Variants in COL24A1 observed in about 807,000 individuals in gnomAD.
COL24A1 encodes the protein collagen alpha-1(XXIV) chain.
In COL24A1, 224 loss-of-function variants were observed where a neutral mutation model predicts 253.9. The ratio of observed to expected loss-of-function variants is 0.88; its 90% CI spans 0.79 to 0.99. The LOEUF is 0.99. COL24A1 is among the 50% of genes least tolerant of loss of function. The probability of loss-of-function intolerance (pLI) is 0.00; values close to 1 mark genes in which losing one functional copy is unlikely to be tolerated. For missense variants in COL24A1, 2,131 were observed against 2,068.5 expected (o/e 1.03, Z -0.59); for synonymous variants, 685 against 673.7 (o/e 1.02, Z -0.26).
At chr1:86,131,629 G>C (rs1649220009) in intron 2 of COL24A1, among the ~76,000 whole-genome samples, 1 of 151,008 alleles carries the variant, frequency 6.6e-6, no homozygotes, top group African/African-American at 2.4e-5. Flanking sequence ...TTTTGTCCTT[G>C]TGATAGTTTG....
intron 52 of COL24A1, among the ~76,000 whole-genome samples, chr1:85,775,965 T>C (rs1175004570): frequency 1.3e-5 from 2 of 152,180 alleles, no homozygotes; most frequent in Non-Finnish European, 2.9e-5. Flanking sequence ...AGATAACTAC[T>C]TATTCATTCA....
At chr1:86,074,875 CAG>C (rs946233825) in intron 7 of COL24A1, among the ~76,000 whole-genome samples, 1 of 152,108 alleles carries the variant, frequency 6.6e-6, no homozygotes, top group Non-Finnish European at 1.5e-5. Flanking sequence ...CACAATGTAA[CAG>C]AATCTCTGGA....
chr1:86,110,016 C>T (rs763127341), intron 5 of COL24A1, among the ~76,000 whole-genome samples: 4 of 152,118 alleles, frequency 2.6e-5, no homozygotes, highest in African/African-American at 7.2e-5. Context: ...TTGGACTTCC[C>T]AGGCTCCAGA....
At chr1:86,022,099 C>A in intron 18 of COL24A1, 141 bp downstream of exon 18, 1 of 759,258 alleles carries the variant, frequency 1.3e-6, no homozygotes, top group Admixed American at 2.3e-5. Flanking sequence ...GAACTGAATA[C>A]CTGAGGGATT....
At chr1:85,824,330 G>C (rs1380405146) in intron 43 of COL24A1, among the ~76,000 whole-genome samples, 1 of 152,100 alleles carries the variant, frequency 6.6e-6, no homozygotes, top group Non-Finnish European at 1.5e-5. Flanking sequence ...TTGGATTTCT[G>C]GTCTCTAGAA....
At chr1:86,034,010 A>ATTAATATTTTC in intron 12 of COL24A1, 87 bp from the exon 13 acceptor site, 2 of 1,028,394 alleles carry the variant, frequency 1.9e-6, no homozygotes, top group Non-Finnish European at 2.8e-6. Context: ...GTAATAGAAA[A>ATTAATATTTTC]TATTAATTTC....
intron 20 of COL24A1, among the ~76,000 whole-genome samples, chr1:85,979,913 T>C (rs1469973025): frequency 2.0e-5 from 3 of 152,124 alleles, no homozygotes; most frequent in Admixed American, 2.0e-4. Context: ...ATATCCCTGA[T>C]GAATATAGAT....
In COL24A1 at chr1:86,056,508, A is replaced by G. The variant is rs534654218; in HGVS notation, c.1851+1423T>C. Among the ~76,000 whole-genome samples the G allele has an allele frequency of 2.0e-5, 3 of 152,358 alleles. No homozygotes were observed. In the South Asian group the frequency reaches 6.2e-4, roughly 32 times the overall value. Reference sequence around the variant, plus strand: ...AATGTTTAATACTTTTTTAAAATGTAAGACATCATTATTGCACATATTGTT... The same window carrying G: ...AATGTTTAATACTTTTTTAAAATGTGAGACATCATTATTGCACATATTGTT... On this transcript the variant is annotated intron_variant, in intron 10 of 59. Transcript: ENST00000370571.
At chr1:86,135,898 T>A (rs903871436) in intron 2 of COL24A1, among the ~76,000 whole-genome samples, 29 of 152,180 alleles carry the variant, frequency 1.9e-4, no homozygotes, top group African/African-American at 6.5e-4. Flanking sequence ...CTCCTTTTGC[T>A]CATTAATTCC....
chr1:86,099,735 C>T (rs1194989520), intron 5 of COL24A1, among the ~76,000 whole-genome samples: 1 of 152,102 alleles, frequency 6.6e-6, no homozygotes, highest in Non-Finnish European at 1.5e-5. Flanking sequence ...ATGCCATCAT[C>T]ACAAATGGCA....
chr1:86,024,271 C>CT (rs140285550), intron 14 of COL24A1, among the ~76,000 whole-genome samples: 4 of 151,640 alleles, frequency 2.6e-5, no homozygotes, highest in Admixed American at 2.0e-4. Flanking sequence ...TGGCACTGTA[C>CT]TTTTTTTTTC....
At chr1:86,043,236 A>G (rs184176117) in intron 12 of COL24A1, among the ~76,000 whole-genome samples, 34 of 152,252 alleles carry the variant, frequency 2.2e-4, no homozygotes, top group African/African-American at 8.2e-4. Context: ...CCATGCTCAT[A>G]AGACTGACTA....
At chr1:85,890,635 A>G (rs913247074) in intron 31 of COL24A1, among the ~76,000 whole-genome samples, 6 of 151,964 alleles carry the variant, frequency 3.9e-5, no homozygotes, top group African/African-American at 1.5e-4. Flanking sequence ...ATCTACCCCT[A>G]TTTTTATTTA....
Position 85,945,002 on chromosome 1 carries a change from G to GT in COL24A1, c.2562+16246dup, listed in dbSNP as rs1165341082. ...TTTTCTTAATCCAGTCTATCATTGT[G>GT]TTTTTTTTTTTTTTTTTTTTTTTTT... On this transcript the variant is annotated intron_variant, in intron 24 of 59. Transcript: ENST00000370571. Among the ~76,000 whole-genome samples the GT allele has an allele frequency of 4.4e-3, 154 of 35,330 alleles. 5 individuals carry two copies. The highest frequency in any genetic ancestry group is 5.2e-3 in the Non-Finnish European group (107 of 20,722). 23.2% of individuals were successfully genotyped at this position (35,330 alleles called of 152,430 possible). A position where few individuals can be genotyped will look rare whatever the true frequency, so the allele number is the denominator to read the frequency against.
chr1:85,838,460 C>T (rs756397827), intron 43 of COL24A1, 125 bp downstream of exon 43: 5 of 769,398 alleles, frequency 6.5e-6, no homozygotes, highest in East Asian at 5.2e-5. Context: ...AGTAGAAAGA[C>T]GTCTCTTCTA....
intron 12 of COL24A1, among the ~76,000 whole-genome samples, chr1:86,040,203 G>T (rs888383210): frequency 2.0e-5 from 3 of 151,786 alleles, no homozygotes; most frequent in Non-Finnish European, 4.4e-5. Context: ...CTTGCCATTT[G>T]CCCTCCTAGA....
chr1:86,035,127 C>CT (rs991302367), intron 12 of COL24A1, among the ~76,000 whole-genome samples: 2 of 152,216 alleles, frequency 1.3e-5, no homozygotes, highest in Non-Finnish European at 2.9e-5. Flanking sequence ...TTAACTCCTA[C>CT]TAGAAGCACA....
intron 19 of COL24A1, among the ~76,000 whole-genome samples, chr1:85,994,041 C>T (rs1694541677): frequency 6.6e-6 from 1 of 151,914 alleles, no homozygotes; most frequent in East Asian, 1.9e-4. Context: ...GGCCATTTAA[C>T]TCCCATGGAA....
intron 53 of COL24A1, among the ~76,000 whole-genome samples, chr1:85,769,939 A>G (rs1172622141): frequency 6.6e-6 from 1 of 152,092 alleles, no homozygotes; most frequent in African/African-American, 2.4e-5. Context: ...TGACATTGCC[A>G]TAGGTACTTC....
Sources: gnomAD v4.1 joint callset for allele counts (sites outside exome capture counted in the v4.1 genomes callset) on GRCh38, gnomAD v4.1.1 for gene constraint, MANE v1.5 for transcripts, NCBI Gene and HGNC (gene_info 2026-07-23, HGNC 2026-07-21) for gene names.